The following NCKAP5 variants were observed in gnomAD, a reference collection of about 807,000 sequenced individuals.
NCKAP5 encodes nck-associated protein 5.
A neutral mutation model predicts 167.0 loss-of-function variants in NCKAP5; 92 were observed. The ratio of observed to expected loss-of-function variants is 0.55; its 90% confidence interval spans 0.47 to 0.66. The LOEUF (loss-of-function observed/expected upper bound fraction) is 0.66, where lower values mean the gene tolerates loss of function less well. Ranked by LOEUF, NCKAP5 falls within the 30% of genes least tolerant of loss-of-function variation. The pLI, the probability that NCKAP5 is intolerant of heterozygous loss-of-function variation, is 0.00. For missense variants in NCKAP5, 2,378 were observed against 2,315.0 expected (o/e 1.03, Z -0.56); for synonymous variants, 891 against 877.4 (o/e 1.02, Z -0.27).
chr2:133,540,933 C>CAA (rs10666328), intron 2 of NCKAP5, among the ~76,000 whole-genome samples: 10,256 of 99,662 alleles, frequency 0.1, 581 homozygotes, highest in East Asian at 0.27. Flanking sequence ...GACTCTGTCT[C>CAA]AAAAAAAAAA....
intron 3 of NCKAP5, among the ~76,000 whole-genome samples, chr2:133,458,505 T>C (rs373276028): frequency 6.6e-6 from 1 of 152,102 alleles, no homozygotes; most frequent in African/African-American, 2.4e-5. Context: ...ACCAAAACGA[T>C]GAAATATGGA....
At chr2:133,074,547 A>G (rs968323833) in intron 6 of NCKAP5, among the ~76,000 whole-genome samples, 1 of 152,066 alleles carries the variant, frequency 6.6e-6, no homozygotes, top group African/African-American at 2.4e-5. Context: ...TTTTTTGTAG[A>G]GAAGGGATTT....
At chr2:133,062,891 G>A (rs1383242480) in intron 6 of NCKAP5, among the ~76,000 whole-genome samples, 2 of 151,820 alleles carry the variant, frequency 1.3e-5, no homozygotes, top group African/African-American at 4.8e-5. Flanking sequence ...TGATTTCATG[G>A]GAAAAAAATA....
intron 19 of NCKAP5, among the ~76,000 whole-genome samples, chr2:132,701,775 A>T (rs7604191): frequency 0.035 from 5,256 of 152,172 alleles, 312 homozygotes; most frequent in African/African-American, 0.12. Context: ...AAAAAATACC[A>T]CTTATGTCTA....
chr2:133,139,269 T>C (rs2082909785), intron 5 of NCKAP5, among the ~76,000 whole-genome samples: 2 of 152,130 alleles, frequency 1.3e-5, no homozygotes, highest in South Asian at 4.1e-4. Context: ...GCCACAACCA[T>C]ATCAGGAAAA....
chr2:132,977,904 C>T (rs1020836898), intron 7 of NCKAP5, among the ~76,000 whole-genome samples: 3 of 152,132 alleles, frequency 2.0e-5, no homozygotes, highest in Admixed American at 6.5e-5. Flanking sequence ...ATCCCTAACC[C>T]CTCAAAGTGG....
At chr2:133,455,797 A>G (rs936577139) in intron 3 of NCKAP5, among the ~76,000 whole-genome samples, 1 of 152,176 alleles carries the variant, frequency 6.6e-6, no homozygotes, top group African/African-American at 2.4e-5. Flanking sequence ...CCCCCTTTTT[A>G]TGTTTGAAAT....
rs557504925 is a variant in NCKAP5 at position 133,429,711 on chromosome 2, A to G, written c.69+87747T>C. 2.6e-5 allele frequency among the ~76,000 whole-genome samples: 4 copies of G among 152,132 alleles called. No homozygotes were observed. The South Asian group carries it at 6.2e-4, about 24-fold the overall frequency. The stretch of plus-strand genomic sequence containing the variant: ...GTACCACATTTTATTTACCCAATCC[A>G]CCGTTGATGGGCACCTAGGTTGATT... On this transcript the variant is annotated intron_variant, in intron 3 of 19. Coordinates refer to ENST00000409261, the MANE Select transcript of NCKAP5 (RefSeq NM_207363.3).
At chr2:133,456,103 A>G (rs1691841477) in intron 3 of NCKAP5, among the ~76,000 whole-genome samples, 1 of 152,190 alleles carries the variant, frequency 6.6e-6, no homozygotes, top group Non-Finnish European at 1.5e-5. Context: ...ATCTCAAGGA[A>G]TAACCCACAA....
At chr2:132,892,997 G>GAAAAAAAAAAAAAAAAAAAACAA (rs76025687) in intron 8 of NCKAP5, among the ~76,000 whole-genome samples, 1 of 107,648 alleles carries the variant, frequency 9.3e-6, no homozygotes, top group Non-Finnish European at 2.0e-5. Context: ...TAAAAAAGCT[G>GAAAAAAAAAAAAAAAAAAAACAA]AAAAAAAAAA....
intron 4 of NCKAP5, among the ~76,000 whole-genome samples, chr2:133,267,736 T>C (rs1015896087): frequency 2.0e-5 from 3 of 152,094 alleles, no homozygotes; most frequent in Middle Eastern, 3.2e-3. Flanking sequence ...AAATTGAAAA[T>C]TTTCCAAGCA....
intron 6 of NCKAP5, chr2:133,118,121 A>G (rs1324158754): frequency 1.3e-5 from 2 of 152,090 alleles, no homozygotes; most frequent in Admixed American, 6.6e-5. Context: ...TTTTTCATCT[A>G]TCATTTTTTT....
intron 4 of NCKAP5, among the ~76,000 whole-genome samples, chr2:133,284,543 T>A (rs1211487295): frequency 6.6e-6 from 1 of 152,210 alleles, no homozygotes; most frequent in Admixed American, 6.5e-5. Context: ...AATTCTTGCT[T>A]CTGTTTGTGA....
chr2:133,293,102 T>C (rs954682610), intron 4 of NCKAP5, among the ~76,000 whole-genome samples: 1 of 152,186 alleles, frequency 6.6e-6, no homozygotes, highest in Non-Finnish European at 1.5e-5. Context: ...AAATGTGTTT[T>C]ATAGAACCCC....
chr2:133,418,560 A>T (rs1238824352), intron 3 of NCKAP5, among the ~76,000 whole-genome samples: 1 of 152,174 alleles, frequency 6.6e-6, no homozygotes, highest in Non-Finnish European at 1.5e-5. Flanking sequence ...GGACAAACGG[A>T]GGATTCAAGA....
chr2:132,993,068 A>G (rs1010948705), intron 7 of NCKAP5, among the ~76,000 whole-genome samples: 2 of 152,140 alleles, frequency 1.3e-5, no homozygotes, highest in Admixed American at 1.3e-4. Context: ...AGAGCCCACA[A>G]ATTCAGGTAA....
chr2:133,012,391 G>A (rs1342143113), intron 6 of NCKAP5, among the ~76,000 whole-genome samples: 1 of 152,146 alleles, frequency 6.6e-6, no homozygotes, highest in Non-Finnish European at 1.5e-5. Flanking sequence ...GGGACTACAG[G>A]TGCACGCCGC....
At chr2:133,247,375 T>C (rs939442026) in intron 4 of NCKAP5, among the ~76,000 whole-genome samples, 8 of 152,228 alleles carry the variant, frequency 5.3e-5, no homozygotes, top group Non-Finnish European at 1.0e-4. Flanking sequence ...TTTTATTCTA[T>C]GTTAATTTCC....
At chr2:132,743,411 C>G (rs78727829) in intron 16 of NCKAP5, among the ~76,000 whole-genome samples, 10,758 of 151,542 alleles carry the variant, frequency 0.071, 997 homozygotes, top group African/African-American at 0.22. Flanking sequence ...AAATATATAA[C>G]AGCACAAAGG....
Sources: allele counts gnomAD v4.1 joint callset (sites outside exome capture counted in the v4.1 genomes callset), GRCh38; gene constraint gnomAD v4.1.1; transcripts MANE v1.5; gene names NCBI Gene and HGNC (gene_info 2026-07-23, HGNC 2026-07-21).